Variants in AHI1 observed in about 807,000 individuals in gnomAD.
The protein encoded by AHI1 is jouberin.
A neutral mutation model predicts 149.3 loss-of-function variants in AHI1; 123 were observed. That is an observed-to-expected ratio of 0.82 (90% CI 0.71 to 0.96). AHI1 has a LOEUF of 0.96. AHI1 is among the 40% of genes least tolerant of loss of function. The probability of loss-of-function intolerance (pLI) is 0.00; values close to 1 mark genes in which losing one functional copy is unlikely to be tolerated. For missense variants in AHI1, 1,439 were observed against 1,422.7 expected (o/e 1.01, Z -0.18); for synonymous variants, 475 against 459.8 (o/e 1.03, Z -0.42).
At chr6:135,431,812 A>C (rs530527221) in intron 16 of AHI1, among the ~76,000 whole-genome samples, 13 of 152,170 alleles carry the variant, frequency 8.5e-5, no homozygotes, top group Admixed American at 8.5e-4. Flanking sequence ...CCCACTCAGG[A>C]ATATCTCAAA....
chr6:135,446,007 G>C (rs1787147723), intron 13 of AHI1, among the ~76,000 whole-genome samples: 1 of 151,716 alleles, frequency 6.6e-6, no homozygotes, highest in Non-Finnish European at 1.5e-5. Context: ...AGTGAGCCGA[G>C]ATTGCACCAC....
intron 23 of AHI1, among the ~76,000 whole-genome samples, chr6:135,363,712 T>C (rs1317075527): frequency 7.3e-6 from 1 of 137,368 alleles, no homozygotes; most frequent in Non-Finnish European, 1.6e-5. Context: ...ACGGGGCGGC[T>C]GGCCGGGCAG....
chr6:135,372,216 A>G (rs995484922), intron 23 of AHI1, among the ~76,000 whole-genome samples: 14 of 152,218 alleles, frequency 9.2e-5, no homozygotes, highest in African/African-American at 3.4e-4. Context: ...TTCCATCAGT[A>G]TAGCTGGGGC....
intron 8 of AHI1, among the ~76,000 whole-genome samples, chr6:135,460,324 A>G (rs927577679): frequency 4.7e-4 from 72 of 152,346 alleles, no homozygotes; most frequent in African/African-American, 1.6e-3. Flanking sequence ...GCCATTTATA[A>G]TATCATTAAG....
chr6:135,385,629 T>C (rs912040647), intron 23 of AHI1, among the ~76,000 whole-genome samples: 2 of 152,230 alleles, frequency 1.3e-5, no homozygotes, highest in African/African-American at 2.4e-5. Context: ...GTAGTAGATA[T>C]AGAAGCTATC....
intron 24 of AHI1, among the ~76,000 whole-genome samples, chr6:135,328,434 G>A (rs1788039567): frequency 6.6e-6 from 1 of 151,160 alleles, no homozygotes; most frequent in South Asian, 2.1e-4. Flanking sequence ...ATCTGTTATG[G>A]TGATCTATGA....
chr6:135,372,040 G>GTC (rs1027863328), intron 23 of AHI1, among the ~76,000 whole-genome samples: 21 of 152,176 alleles, frequency 1.4e-4, no homozygotes, highest in African/African-American at 4.3e-4. Flanking sequence ...CCTAAAAAGG[G>GTC]TCTATACACC....
chr6:135,404,937 T>C lies in AHI1; in HGVS notation c.2988+14A>G, dbSNP rs1780540353. ...ACCTTTGAAGTTATCTTCCTGGTAA[T>C]AAAAACTACTTACTTTTGCAGCACA... On this transcript the variant is annotated intron_variant, in intron 22 of 28. Transcript: ENST00000265602. 1 of 1,607,104 alleles carries C rather than the reference T, an allele frequency of 6.2e-7. No individual in the cohort carries two copies. The highest frequency in any genetic ancestry group is 8.5e-7 in the Non-Finnish European group (1 of 1,174,200).
At chr6:135,440,451 A>T (rs1303044908) in intron 14 of AHI1, among the ~76,000 whole-genome samples, 2 of 152,220 alleles carry the variant, frequency 1.3e-5, no homozygotes, top group Non-Finnish European at 2.9e-5. Flanking sequence ...GATAAACTCC[A>T]AAATATTCCT....
chr6:135,435,617 G>A (rs1191709214), intron 15 of AHI1, among the ~76,000 whole-genome samples: 1 of 152,212 alleles, frequency 6.6e-6, no homozygotes, highest in Non-Finnish European at 1.5e-5. Flanking sequence ...TGAGGAACAT[G>A]CCTGTTAGGC....
chr6:135,485,129 G>C (rs1014840437), intron 5 of AHI1, among the ~76,000 whole-genome samples: 11 of 150,930 alleles, frequency 7.3e-5, no homozygotes, highest in African/African-American at 2.5e-4. Context: ...GCTGGAGTGA[G>C]GTGGCATGAT....
intron 8 of AHI1, 27 bp from the exon 9 acceptor site, chr6:135,457,740 G>A: frequency 6.3e-7 from 1 of 1,575,370 alleles, no homozygotes; most frequent in Non-Finnish European, 8.7e-7. Context: ...AAAAATCAAT[G>A]TTATAATTAG....
rs757532459 is a variant in AHI1, at chr6:135,490,681, A to G, written c.77T>C (p.Leu26Pro). 6.2e-7 allele frequency: 1 copy of G among 1,613,402 alleles called. No homozygotes were observed. The highest frequency in any genetic ancestry group is 8.5e-7 in the Non-Finnish European group (1 of 1,179,476). The stretch of plus-strand genomic sequence containing the variant: ...CTTCAGTTTTTTCTTTTCACGCATT[A>G]GATCACTGTGGGTCTTAAGCAATTC... ...FEELLKTHSD[L>P]MREKKKLKKK... The change falls in exon 5 of 29, where the codon CTA becomes CCA. Residue 26 changes from leucine to proline, a missense_variant. Leu to Pro is a moderately conservative substitution (Grantham distance 98). Transcript: ENST00000265602.
chr6:135,347,850 A>G (rs1261995609), intron 24 of AHI1, among the ~76,000 whole-genome samples: 1 of 152,226 alleles, frequency 6.6e-6, no homozygotes, highest in Non-Finnish European at 1.5e-5. Flanking sequence ...CTGAAGCCAA[A>G]AAGTACTCCC....
At chr6:135,380,737 C>T (rs887761756) in intron 23 of AHI1, among the ~76,000 whole-genome samples, 28 of 117,824 alleles carry the variant, frequency 2.4e-4, no homozygotes, top group Non-Finnish European at 3.9e-4. Flanking sequence ...AATAACCCCC[C>T]CCCCCCCAAA....
intron 3 of AHI1, 145 bp from the exon 4 acceptor site, chr6:135,492,436 A>G: frequency 7.9e-7 from 1 of 1,272,278 alleles, no homozygotes; most frequent in Non-Finnish European, 1.0e-6. Context: ...ACCCAATCTT[A>G]TGCAAATGAC....
intron 24 of AHI1, among the ~76,000 whole-genome samples, chr6:135,324,725 G>T (rs1787391448): frequency 6.6e-6 from 1 of 152,054 alleles, no homozygotes; most frequent in African/African-American, 2.4e-5. Context: ...CTCAGATCAT[G>T]CATGTTGATA....
chr6:135,287,019 C>T (rs1043214948), intron 28 of AHI1, among the ~76,000 whole-genome samples: 3 of 151,866 alleles, frequency 2.0e-5, no homozygotes, highest in African/African-American at 7.3e-5. Flanking sequence ...TAAACTTCTG[C>T]AAAAGGCAGT....
intron 24 of AHI1, among the ~76,000 whole-genome samples, chr6:135,331,038 C>T (rs1019443407): frequency 5.9e-5 from 9 of 152,172 alleles, no homozygotes; most frequent in African/African-American, 2.2e-4. Context: ...CTATTTTCTC[C>T]TTGTTCAGTC....
Sources: allele counts gnomAD v4.1 joint callset (sites outside exome capture counted in the v4.1 genomes callset), GRCh38; gene constraint gnomAD v4.1.1; transcripts MANE v1.5; gene names NCBI Gene and HGNC (gene_info 2026-07-23, HGNC 2026-07-21).